The following PHF21B variants were observed in gnomAD, a reference collection of about 807,000 sequenced individuals.
The protein encoded by PHF21B is PHD finger protein 4.
In PHF21B, 22 loss-of-function variants were observed where a neutral mutation model predicts 62.2. The observed-to-expected ratio is 0.35, with a 90% CI of 0.25 to 0.51. PHF21B has a LOEUF of 0.51. PHF21B is among the 20% of genes least tolerant of loss of function. The pLI, the probability that PHF21B is intolerant of heterozygous loss-of-function variation, is 0.97. For synonymous variants in PHF21B, 341 were observed against 314.7 expected, an observed-to-expected ratio of 1.08 and a Z score of -0.88; for missense variants, 701 against 707.9, an observed-to-expected ratio of 0.99 and a Z score of 0.11.
Position 44,914,753 on chromosome 22 carries a change from C to A in PHF21B, c.565-665G>T, listed in dbSNP as rs146424530. On this transcript the variant is annotated intron_variant, in intron 4 of 12. Transcript: ENST00000313237. ...TCAGATGCCACCCTGCAGCAGCCCC[C>A]CTTAGCCAGCCTGCCTCGAGGCTCA... Among the ~76,000 whole-genome samples, 613 of 152,344 alleles carry A rather than the reference C, an allele frequency of 4.0e-3. 8 individuals are homozygous for A. In the East Asian group the frequency reaches 0.042, roughly 10 times the overall value.
At chr22:45,007,586 G>GAGGT (rs1338339532) in intron 2 of PHF21B, among the ~76,000 whole-genome samples, 6 of 146,324 alleles carry the variant, frequency 4.1e-5, no homozygotes, top group African/African-American at 1.2e-4. Context: ...GGGGGCAGCG[G>GAGGT]AGGGAGGGAG....
chr22:44,965,147 C>T (rs536841908), intron 2 of PHF21B, among the ~76,000 whole-genome samples: 2 of 152,224 alleles, frequency 1.3e-5, no homozygotes, highest in African/African-American at 2.4e-5. Context: ...AGCCCGAAGA[C>T]GGGCTTTGCT....
chr22:44,934,415 G>A (rs2071804258), intron 2 of PHF21B, among the ~76,000 whole-genome samples: 4 of 152,162 alleles, frequency 2.6e-5, no homozygotes, highest in Admixed American at 2.6e-4. Flanking sequence ...TCCAACAGAA[G>A]GGACTTCCAC....
chr22:44,930,443 G>C (rs1004959457), intron 2 of PHF21B, among the ~76,000 whole-genome samples: 1 of 152,150 alleles, frequency 6.6e-6, no homozygotes, highest in African/African-American at 2.4e-5. Context: ...GAGACAGAGG[G>C]AGCTCTGTCT....
chr22:45,007,584 C>G (rs1341726056), intron 2 of PHF21B, among the ~76,000 whole-genome samples: 1 of 106,532 alleles, frequency 9.4e-6, no homozygotes, highest in South Asian at 3.7e-4. Flanking sequence ...GAGGGGGCAG[C>G]GGAGGGAGGG....
At chr22:44,890,958 G>A (rs1158164218) in intron 8 of PHF21B, among the ~76,000 whole-genome samples, 1 of 152,240 alleles carries the variant, frequency 6.6e-6, no homozygotes, top group Non-Finnish European at 1.5e-5. Flanking sequence ...CCAGCCCAGG[G>A]GTATCAGAGG....
intron 2 of PHF21B, among the ~76,000 whole-genome samples, chr22:44,956,866 C>A (rs2072308899): frequency 6.6e-6 from 1 of 152,240 alleles, no homozygotes. Context: ...CTCATCAAAG[C>A]TGTACCCCAG....
intron 2 of PHF21B, among the ~76,000 whole-genome samples, chr22:44,938,268 C>T (rs1282807015): frequency 6.6e-6 from 1 of 151,970 alleles, no homozygotes; most frequent in Non-Finnish European, 1.5e-5. Context: ...GAGTCTCACT[C>T]TCTTGCCCAG....
chr22:44,958,598 ATTTTTT>A (rs59943293), intron 2 of PHF21B, among the ~76,000 whole-genome samples: 146 of 75,906 alleles, frequency 1.9e-3, no homozygotes, highest in African/African-American at 7.5e-3. Context: ...CCTTCCTTTG[ATTTTTT>A]TTTTTTTTTT....
intron 7 of PHF21B, among the ~76,000 whole-genome samples, chr22:44,891,616 C>T (rs761298562): frequency 6.6e-6 from 1 of 152,236 alleles, no homozygotes; most frequent in Non-Finnish European, 1.5e-5. Context: ...GACACCCTCT[C>T]TGCACCCATG....
intron 6 of PHF21B, among the ~76,000 whole-genome samples, chr22:44,895,279 C>T (rs1265663303): frequency 1.3e-5 from 2 of 152,230 alleles, no homozygotes; most frequent in Middle Eastern, 3.4e-3. Flanking sequence ...GGTTTCGAGG[C>T]TTCCCAGGCC....
intron 2 of PHF21B, among the ~76,000 whole-genome samples, chr22:44,985,569 C>T (rs1470555143): frequency 6.6e-6 from 1 of 151,842 alleles, no homozygotes; most frequent in African/African-American, 2.4e-5. Context: ...CCGAGCTCCA[C>T]CCTGGGCAAG....
At chr22:44,966,251 C>A (rs1305261306) in intron 2 of PHF21B, among the ~76,000 whole-genome samples, 3 of 152,252 alleles carry the variant, frequency 2.0e-5, no homozygotes, top group African/African-American at 7.2e-5. Flanking sequence ...ACGTCCCCAA[C>A]CACGCGACGA....
intron 2 of PHF21B, among the ~76,000 whole-genome samples, chr22:44,949,206 CAGG>C (rs1019232328): frequency 6.1e-5 from 9 of 148,330 alleles, no homozygotes; most frequent in African/African-American, 2.0e-4. Context: ...GAGGCTGAGG[CAGG>C]AGAACTGCTT....
At position 44,893,682 on chromosome 22, in the gene PHF21B, G is replaced by A. The variant is rs75738542; in HGVS notation, c.884-149C>T. The A allele has an allele frequency of 2.7e-3, 1,980 of 728,316 alleles. 10 individuals carry two copies. Among genetic ancestry groups the A allele is most frequent in the African/African-American group, 0.019 (1,103 of 57,194 alleles). The allele number at this position is 728,316 out of a possible 1,614,324, so 45.1% of individuals were successfully genotyped here. ...TCCATGCCACAGAATGGCCCAGGGT[G>A]GGTTAGGGCCTCCAGGAATCACTGA... On this transcript the variant is annotated intron_variant, in intron 6 of 12. Transcript: ENST00000313237.
chr22:44,974,573 A>T (rs1312611946), intron 2 of PHF21B, among the ~76,000 whole-genome samples: 2 of 152,176 alleles, frequency 1.3e-5, no homozygotes, highest in Admixed American at 6.5e-5. Context: ...ATTGAGTTTT[A>T]ACACTAGGCA....
At chr22:44,974,519 T>G (rs1169465715) in intron 2 of PHF21B, among the ~76,000 whole-genome samples, 1 of 152,020 alleles carries the variant, frequency 6.6e-6, no homozygotes. Context: ...TACCCACATG[T>G]GTTGGTACCA....
chr22:44,990,119 C>T (rs2073019685), intron 2 of PHF21B, among the ~76,000 whole-genome samples: 1 of 152,196 alleles, frequency 6.6e-6, no homozygotes, highest in Non-Finnish European at 1.5e-5. Flanking sequence ...CAGAGAGGCA[C>T]TCAAATTCCC....
chr22:44,907,678 C>G (rs1419701790), intron 5 of PHF21B, among the ~76,000 whole-genome samples: 1 of 152,230 alleles, frequency 6.6e-6, no homozygotes, highest in Non-Finnish European at 1.5e-5. Context: ...GCGTTCATTA[C>G]TTACATCTAT....
Sources: gnomAD v4.1 joint callset for allele counts (sites outside exome capture counted in the v4.1 genomes callset) on GRCh38, gnomAD v4.1.1 for gene constraint, MANE v1.5 for transcripts, NCBI Gene and HGNC (gene_info 2026-07-23, HGNC 2026-07-21) for gene names.